The following ASTN1 variants were observed in gnomAD, a reference collection of about 807,000 sequenced individuals.
The protein encoded by ASTN1 is astrotactin-1.
A neutral mutation model predicts 140.7 loss-of-function variants in ASTN1; 41 were observed. That is an observed-to-expected ratio of 0.29 (90% CI 0.23 to 0.38). The LOEUF (loss-of-function observed/expected upper bound fraction) is 0.38. ASTN1 is among the 10% of genes least tolerant of loss of function. The pLI is 1.00. For missense variants in ASTN1, 1,479 were observed against 1,678.8 expected (o/e 0.88, Z 2.08); for synonymous variants, 640 against 652.2 (o/e 0.98, Z 0.29).
intron 16 of ASTN1, among the ~76,000 whole-genome samples, chr1:176,925,874 C>T (rs1246297990): frequency 4.6e-5 from 7 of 150,952 alleles, no homozygotes; most frequent in African/African-American, 1.2e-4. Flanking sequence ...GGCACAATCT[C>T]GGCTCACTGT....
intron 1 of ASTN1, among the ~76,000 whole-genome samples, chr1:177,148,586 T>A (rs1425186969): frequency 1.3e-5 from 2 of 151,992 alleles, no homozygotes; most frequent in African/African-American, 4.8e-5. Flanking sequence ...TAACTAGGCC[T>A]TTGAAGGCAC....
chr1:176,949,276 C>T lies in ASTN1; in HGVS notation c.1963G>A (p.Gly655Ser). 1 of 1,614,112 alleles carries T rather than the reference C, an allele frequency of 6.2e-7. No homozygotes were observed. The highest frequency in any genetic ancestry group is 2.2e-5 in the East Asian group (1 of 44,862). Residue 655 changes from glycine (G) to serine (S), a missense_variant, in exon 12 of 23, where the codon GGC becomes AGC. Physicochemically the swap from Gly to Ser is moderately conservative, Grantham distance 56. Around this residue, in one of 3 missense-constraint regions of ASTN1, gnomAD observed 4 missense variants for 17.4 expected, o/e 0.23. Coordinates refer to ENST00000361833, the MANE Select transcript of ASTN1 (RefSeq NM_004319.3). ...DRHIGVDCSDGFNGGCEQLCL... is the reference protein window; with the variant it reads ...DRHIGVDCSDSFNGGCEQLCL... ...AGCTGCTCACAGCCGCCGTTGAAGC[C>T]GTCGGAACAGTCCACCCCGATGTGG... is the stretch of plus-strand genomic sequence containing the variant.
intron 18 of ASTN1, among the ~76,000 whole-genome samples, chr1:176,887,660 A>C (rs1419196323): frequency 6.6e-6 from 1 of 152,120 alleles, no homozygotes; most frequent in Non-Finnish European, 1.5e-5. Context: ...TAAGTGTTCA[A>C]TGAGTGGTTA....
intron 2 of ASTN1, among the ~76,000 whole-genome samples, chr1:177,057,555 T>A (rs1571719993): frequency 1.3e-5 from 2 of 152,232 alleles, no homozygotes; most frequent in African/African-American, 4.8e-5. Context: ...CTCTTGCACA[T>A]ATTGGAAATA....
intron 1 of ASTN1, among the ~76,000 whole-genome samples, chr1:177,148,773 G>A (rs1267714938): frequency 1.3e-5 from 2 of 151,790 alleles, no homozygotes; most frequent in East Asian, 3.9e-4. Context: ...AGGCCACTGA[G>A]ATGATGATAG....
intron 2 of ASTN1, among the ~76,000 whole-genome samples, chr1:177,057,463 A>G (rs552575877): frequency 2.2e-4 from 34 of 152,360 alleles, no homozygotes; most frequent in Middle Eastern, 6.8e-3. Context: ...TGGTCTCTGC[A>G]TTGAGGAAAT....
rs1452906678 is a variant in ASTN1 at position 176,863,139 on chromosome 1, C to G, written c.*1145G>C. ...CTGCAATCAGTGGTGCTTCCCTACA[C>G]AGAATCCCTGTGACTGGATGGGCAG... On this transcript the variant is annotated 3_prime_UTR_variant, in exon 23 of 23. Transcript: ENST00000361833. 6.1e-6 allele frequency: 6 copies of G among 985,814 alleles called. No homozygotes were observed. The highest frequency in any genetic ancestry group is 6.0e-6 in the Non-Finnish European group (5 of 829,962). 61.1% of individuals were successfully genotyped at this position (985,814 alleles called of 1,614,324 possible).
At chr1:176,954,918 G>A (rs951496394) in intron 11 of ASTN1, among the ~76,000 whole-genome samples, 4 of 152,206 alleles carry the variant, frequency 2.6e-5, no homozygotes, top group Non-Finnish European at 5.9e-5. Context: ...CCCTGTGGGA[G>A]TCCATGCATA....
At position 176,997,656 on chromosome 1, in the gene ASTN1, T is replaced by C. The variant is rs188432897; in HGVS notation, c.1523+17135A>G. Among the ~76,000 whole-genome samples the C allele has an allele frequency of 2.8e-4, 42 of 152,174 alleles. 1 individual carries two copies. In the East Asian group the frequency reaches 7.8e-3, roughly 28 times the overall value. ...TTCTATTTTTATTGAGCACCTACTA[T>C]ATGTACTTGAGAATGAGACTCAAAA... On this transcript the variant is annotated intron_variant, in intron 8 of 22. Coordinates refer to ENST00000361833, the MANE Select transcript of ASTN1 (RefSeq NM_004319.3).
chr1:177,065,506 TAGC>T (rs1558070036), intron 1 of ASTN1, among the ~76,000 whole-genome samples: 1 of 152,192 alleles, frequency 6.6e-6, no homozygotes, highest in African/African-American at 2.4e-5. Flanking sequence ...TAAGCAGTAA[TAGC>T]AGTGCTGAAT....
At chr1:177,139,596 C>T (rs945593544) in intron 1 of ASTN1, among the ~76,000 whole-genome samples, 4 of 152,154 alleles carry the variant, frequency 2.6e-5, no homozygotes, top group African/African-American at 9.7e-5. Context: ...ATCAGGCAAT[C>T]TATTAGAAAT....
chr1:176,981,679 T>C (rs929512670), intron 8 of ASTN1: 1 of 152,580 alleles, frequency 6.6e-6, no homozygotes, highest in African/African-American at 2.4e-5. Flanking sequence ...TGGTGATTGA[T>C]TGGATGTGAC....
At chr1:177,004,201 A>G (rs1263233112) in intron 8 of ASTN1, among the ~76,000 whole-genome samples, 1 of 152,136 alleles carries the variant, frequency 6.6e-6, no homozygotes, top group African/African-American at 2.4e-5. Flanking sequence ...AATAAAATCA[A>G]GAACTCAATC....
At position 176,945,927 on chromosome 1, in the gene ASTN1, T is replaced by C; in HGVS notation, c.2248A>G (p.Arg750Gly). 1 of 1,606,998 alleles carries C rather than the reference T, an allele frequency of 6.2e-7. No homozygotes were observed. The highest frequency in any genetic ancestry group is 8.5e-7 in the Non-Finnish European group (1 of 1,175,594). The change falls in exon 13 of 23, where the codon AGG becomes GGG. Residue 750 changes from arginine to glycine, a missense_variant and splice_region_variant. Arg to Gly is a moderately radical substitution (Grantham distance 125). Transcript: ENST00000361833. ...AAGQVLKGTF[R>G]QNNFARGLDQ... ...CAGTTCTATGTATATGAGGTTTACCTGAATGTTCCTTTCAGCACCTGTCCG... is the reference window on the plus strand; with the variant it reads ...CAGTTCTATGTATATGAGGTTTACCCGAATGTTCCTTTCAGCACCTGTCCG...
At chr1:176,959,459 C>T (rs1015081265) in intron 9 of ASTN1, among the ~76,000 whole-genome samples, 1 of 152,126 alleles carries the variant, frequency 6.6e-6, no homozygotes, top group Admixed American at 6.5e-5. Flanking sequence ...ACAACCCTCT[C>T]CCCTCCCCAG....
At chr1:177,157,958 A>G (rs1336784486) in intron 1 of ASTN1, among the ~76,000 whole-genome samples, 1 of 152,170 alleles carries the variant, frequency 6.6e-6, no homozygotes, top group African/African-American at 2.4e-5. Flanking sequence ...TCCTGGCTAG[A>G]TAATATGTCA....
At chr1:177,152,946 T>C (rs1282283679) in intron 1 of ASTN1, among the ~76,000 whole-genome samples, 1 of 152,192 alleles carries the variant, frequency 6.6e-6, no homozygotes, top group East Asian at 1.9e-4. Flanking sequence ...ATTTATTATA[T>C]GATAAAGGTG....
At chr1:176,881,046 A>G (rs1372130796) in intron 20 of ASTN1, among the ~76,000 whole-genome samples, 1 of 152,210 alleles carries the variant, frequency 6.6e-6, no homozygotes, top group Non-Finnish European at 1.5e-5. Context: ...CTTGCAGCCC[A>G]TGTATTCTTA....
chr1:176,930,802 G>A (rs1458883651), intron 16 of ASTN1, among the ~76,000 whole-genome samples: 1 of 152,102 alleles, frequency 6.6e-6, no homozygotes, highest in African/African-American at 2.4e-5. Context: ...AGAGAAAAGA[G>A]GTATAAACTA....
Sources: allele counts gnomAD v4.1 joint callset (sites outside exome capture counted in the v4.1 genomes callset), GRCh38; gene constraint gnomAD v4.1.1; regional missense constraint gnomAD v4.1.1; transcripts MANE v1.5; gene names NCBI Gene and HGNC (gene_info 2026-07-23, HGNC 2026-07-21).